The following RASGRF2 variants were observed in gnomAD, a reference collection of about 807,000 sequenced individuals.
RASGRF2 encodes the protein ras-specific guanine nucleotide-releasing factor 2.
Under a neutral mutation model 151.0 loss-of-function variants are expected in RASGRF2, and 76 were observed. That is an observed-to-expected ratio of 0.50 (90% CI 0.42 to 0.61). RASGRF2 has a LOEUF of 0.61. Among genes scored for constraint, RASGRF2 ranks in the 20% least tolerant of loss-of-function variants. The probability of loss-of-function intolerance (pLI) is 0.00; values close to 1 mark genes in which losing one functional copy is unlikely to be tolerated. For synonymous variants in RASGRF2, 504 were observed against 566.5 expected (o/e 0.89, Z 1.57); for missense variants, 1,148 against 1,564.6 (o/e 0.73, Z 4.49).
chr5:80,979,515 A>G (rs562102937), intron 1 of RASGRF2, among the ~76,000 whole-genome samples: 1 of 152,310 alleles, frequency 6.6e-6, no homozygotes, highest in African/African-American at 2.4e-5. Context: ...ATTTTCTGAA[A>G]TTAAGTTGTG....
chr5:81,211,360 G>T (rs115961121), intron 22 of RASGRF2, among the ~76,000 whole-genome samples: 1 of 152,204 alleles, frequency 6.6e-6, no homozygotes, highest in African/African-American at 2.4e-5. Context: ...GTCAGGGATG[G>T]ATTTATTTGT....
chr5:81,070,212 A>G, intron 3 of RASGRF2: 1 of 361,260 alleles, frequency 2.8e-6, no homozygotes, highest in South Asian at 2.7e-5. Flanking sequence ...CGGGCTCACC[A>G]CTGGCAGCTG....
At chr5:81,058,080 TATAA>T (rs1751287803) in intron 2 of RASGRF2, among the ~76,000 whole-genome samples, 2 of 152,240 alleles carry the variant, frequency 1.3e-5, no homozygotes, top group South Asian at 2.1e-4. Context: ...TATTAATTCT[TATAA>T]ATATTACACA....
At chr5:80,967,668 G>A (rs985698858) in intron 1 of RASGRF2, among the ~76,000 whole-genome samples, 18 of 152,150 alleles carry the variant, frequency 1.2e-4, no homozygotes, top group African/African-American at 4.1e-4. Context: ...TGCCATTTGT[G>A]TGACTAATGT....
chr5:81,224,936 T>C (rs1755938426), intron 26 of RASGRF2, among the ~76,000 whole-genome samples: 1 of 152,232 alleles, frequency 6.6e-6, no homozygotes, highest in South Asian at 2.1e-4. Context: ...GAAATTGTTA[T>C]CATGAAATGT....
chr5:80,966,123 T>A (rs1467508693), intron 1 of RASGRF2, among the ~76,000 whole-genome samples: 1 of 151,630 alleles, frequency 6.6e-6, no homozygotes, highest in Non-Finnish European at 1.5e-5. Flanking sequence ...GTGTGTGTGG[T>A]GTTTATTCAG....
chr5:81,056,815 T>G (rs1245937049), intron 2 of RASGRF2, among the ~76,000 whole-genome samples: 6 of 152,224 alleles, frequency 3.9e-5, no homozygotes, highest in Admixed American at 6.5e-5. Context: ...GGTGCTCCTG[T>G]ATTGGGTGCC....
At chr5:81,003,432 C>T (rs912822821) in intron 1 of RASGRF2, among the ~76,000 whole-genome samples, 2 of 151,692 alleles carry the variant, frequency 1.3e-5, no homozygotes, top group Non-Finnish European at 2.9e-5. Context: ...ACCAGGTTAG[C>T]CAGGATGGTC....
intron 2 of RASGRF2, among the ~76,000 whole-genome samples, chr5:81,056,534 T>A (rs1197563593): frequency 3.9e-5 from 6 of 152,152 alleles, no homozygotes; most frequent in Admixed American, 3.9e-4. Context: ...TGCTGAGGAG[T>A]GCTTTACTTC....
intron 2 of RASGRF2, among the ~76,000 whole-genome samples, chr5:81,050,704 C>T (rs572789250): frequency 2.3e-4 from 35 of 152,328 alleles, no homozygotes; most frequent in Middle Eastern, 3.4e-3. Flanking sequence ...TCTTCCTCTA[C>T]GAGCAGGAAG....
intron 8 of RASGRF2, among the ~76,000 whole-genome samples, chr5:81,086,633 T>C (rs1752235580): frequency 6.6e-6 from 1 of 152,188 alleles, no homozygotes; most frequent in Non-Finnish European, 1.5e-5. Flanking sequence ...ACCCATTTAC[T>C]GTTTAGAATT....
intron 1 of RASGRF2, among the ~76,000 whole-genome samples, chr5:80,978,649 C>T (rs137884818): frequency 0.011 from 1,712 of 152,060 alleles, 28 homozygotes; most frequent in African/African-American, 0.036. Context: ...TAGCTGGGCG[C>T]GATGGCGGGT....
intron 1 of RASGRF2, among the ~76,000 whole-genome samples, chr5:80,996,080 C>T (rs533213335): frequency 4.5e-4 from 69 of 152,244 alleles, no homozygotes; most frequent in African/African-American, 1.6e-3. Context: ...CTTCCTCCTC[C>T]TCCTCCTCCC....
rs377745061 is a variant in RASGRF2 at position 81,212,569 on chromosome 5, C to A, written c.3354+6C>A. The A allele has an allele frequency of 8.0e-5, 128 of 1,603,972 alleles. 1 individual carries two copies. The African/African-American group carries it at 1.5e-3, about 19-fold the overall frequency. The stretch of plus-strand genomic sequence containing the variant: ...GGGCCAAGGTCTCTAAGCAGGTGAG[C>A]CTCAGCGTGTGACACAGCCTGCTGC... On this transcript the variant is annotated splice_donor_region_variant and intron_variant, in intron 23 of 26. Coordinates refer to ENST00000265080, the MANE Select transcript of RASGRF2 (RefSeq NM_006909.3).
Position 81,094,375 on chromosome 5 carries a change from C to G in RASGRF2, c.1618+13C>G, listed in dbSNP as rs776343115. 6.2e-7 allele frequency: 1 copy of G among 1,606,218 alleles called. No individual in the cohort carries two copies. Among genetic ancestry groups the G allele is most frequent in the Non-Finnish European group, 8.5e-7 (1 of 1,175,260 alleles). On this transcript the variant is annotated intron_variant, in intron 11 of 26. Transcript: ENST00000265080. ...AGCGATGATGACTGTAAGTCACCTT[C>G]GATCACTTAGGATTCTATTAGAATT...
intron 2 of RASGRF2, among the ~76,000 whole-genome samples, chr5:81,061,758 A>G (rs2112439105): frequency 6.6e-6 from 1 of 151,852 alleles, no homozygotes; most frequent in East Asian, 1.9e-4. Flanking sequence ...CATGAATACC[A>G]TCATTGCAGC....
At chr5:81,030,866 A>C (rs1490652551) in intron 1 of RASGRF2, among the ~76,000 whole-genome samples, 1 of 152,256 alleles carries the variant, frequency 6.6e-6, no homozygotes, top group South Asian at 2.1e-4. Context: ...AAATGGATAA[A>C]GAGTCAAGAC....
chr5:81,018,956 C>A (rs1021578768), intron 1 of RASGRF2, among the ~76,000 whole-genome samples: 1 of 152,016 alleles, frequency 6.6e-6, no homozygotes, highest in Non-Finnish European at 1.5e-5. Context: ...GCGCCCACCA[C>A]GCCCAGCTAA....
chr5:81,119,863 GT>G (rs1446318041), intron 15 of RASGRF2, among the ~76,000 whole-genome samples: 1 of 152,142 alleles, frequency 6.6e-6, no homozygotes, highest in Non-Finnish European at 1.5e-5. Flanking sequence ...ATTTTTTTCA[GT>G]TAATTTATCC....
Sources: allele counts gnomAD v4.1 joint callset (sites outside exome capture counted in the v4.1 genomes callset), GRCh38; gene constraint gnomAD v4.1.1; transcripts MANE v1.5; gene names NCBI Gene and HGNC (gene_info 2026-07-23, HGNC 2026-07-21).